LIPA: variants seen among roughly 807,000 people sequenced by gnomAD.
The protein encoded by LIPA is lipase A, lysosomal acid type.
In LIPA, 26 loss-of-function variants were observed where a neutral mutation model predicts 40.6. The ratio of observed to expected loss-of-function variants is 0.64; its 90% CI spans 0.47 to 0.89. LIPA has a LOEUF of 0.89. LIPA is among the 40% of genes least tolerant of loss of function. LIPA has a pLI of 0.00. For synonymous variants in LIPA, 188 were observed against 168.4 expected (o/e 1.12, Z -0.90); for missense variants, 455 against 479.6 (o/e 0.95, Z 0.48).
At chr10:89,403,806 A>C (rs1463357639) in intron 2 of LIPA, 1 of 685,860 alleles carries the variant, frequency 1.5e-6, no homozygotes, top group African/African-American at 1.8e-5. Flanking sequence ...AAACATTATA[A>C]TTCACTGTAA....
chr10:89,372,489 T>C (rs1424451240), intron 2 of LIPA, among the ~76,000 whole-genome samples: 1 of 152,264 alleles, frequency 6.6e-6, no homozygotes, highest in Non-Finnish European at 1.5e-5. Flanking sequence ...GTACTGTTTT[T>C]ATTAAAAGCA....
At chr10:89,388,113 C>A (rs1033912131) in intron 2 of LIPA, among the ~76,000 whole-genome samples, 2 of 149,366 alleles carry the variant, frequency 1.3e-5, no homozygotes, top group African/African-American at 4.9e-5. Context: ...GAAAAAAATT[C>A]TTTTTTTTTT....
At chr10:89,299,522 A>G (rs1046090513) in intron 1 of LIPA, among the ~76,000 whole-genome samples, 3 of 152,320 alleles carry the variant, frequency 2.0e-5, no homozygotes, top group African/African-American at 2.4e-5. Context: ...AATCAGATAC[A>G]GTGAAAAACG....
At chr10:89,246,030 G>T (rs1843020685) in intron 2 of LIPA, among the ~76,000 whole-genome samples, 1 of 152,048 alleles carries the variant, frequency 6.6e-6, no homozygotes, top group Non-Finnish European at 1.5e-5. Flanking sequence ...CATCATTCTA[G>T]CATGTTTTAT....
At chr10:89,385,817 T>C (rs1350908691) in intron 2 of LIPA, among the ~76,000 whole-genome samples, 5 of 152,188 alleles carry the variant, frequency 3.3e-5, no homozygotes, top group African/African-American at 1.2e-4. Flanking sequence ...TATTCACACC[T>C]GAGATCACAC....
intron 1 of LIPA, among the ~76,000 whole-genome samples, chr10:89,275,119 C>T (rs909003275): frequency 1.3e-5 from 2 of 152,118 alleles, no homozygotes; most frequent in African/African-American, 4.8e-5. Context: ...TGTTTTCAGT[C>T]AGGATGAGTC....
intron 1 of LIPA, among the ~76,000 whole-genome samples, chr10:89,310,738 G>C (rs1033888143): frequency 2.0e-5 from 3 of 152,152 alleles, no homozygotes; most frequent in African/African-American, 7.2e-5. Flanking sequence ...GAAGAGACCA[G>C]AGGCAGGATT....
intron 3 of LIPA, among the ~76,000 whole-genome samples, chr10:89,234,902 G>A (rs1842886142): frequency 6.6e-6 from 1 of 152,344 alleles, no homozygotes; most frequent in East Asian, 1.9e-4. Flanking sequence ...AACAGAACAG[G>A]GAATTGTGGT....
chr10:89,358,089 T>G (rs969133413), intron 2 of LIPA, among the ~76,000 whole-genome samples: 3 of 152,160 alleles, frequency 2.0e-5, no homozygotes, highest in Non-Finnish European at 4.4e-5. Flanking sequence ...TTTAAATACC[T>G]GTAACTGCCT....
intron 8 of LIPA, among the ~76,000 whole-genome samples, chr10:89,221,844 C>T (rs899728983): frequency 2.6e-5 from 4 of 152,150 alleles, no homozygotes; most frequent in African/African-American, 9.7e-5. Context: ...AATGCAGAGA[C>T]ATTCAATATC....
chr10:89,397,070 G>A (rs1844354568), intron 2 of LIPA, among the ~76,000 whole-genome samples: 1 of 152,018 alleles, frequency 6.6e-6, no homozygotes, highest in African/African-American at 2.4e-5. Flanking sequence ...CACTTTTCTT[G>A]ATATATATGA....
At chr10:89,390,558 A>G (rs1844238638) in intron 2 of LIPA, among the ~76,000 whole-genome samples, 2 of 151,894 alleles carry the variant, frequency 1.3e-5, no homozygotes, top group South Asian at 2.1e-4. Context: ...CTGAAATTTC[A>G]TTTTCTAAAT....
intron 1 of LIPA, among the ~76,000 whole-genome samples, chr10:89,328,780 A>C (rs998410099): frequency 1.3e-5 from 2 of 152,206 alleles, no homozygotes; most frequent in African/African-American, 4.8e-5. Flanking sequence ...GTAATGACCT[A>C]ATCTATTATC....
At chr10:89,306,526 A>G (rs746656345) in intron 1 of LIPA, 5 of 1,613,968 alleles carry the variant, frequency 3.1e-6, no homozygotes, top group African/African-American at 1.3e-5. Context: ...ACTGGCCACC[A>G]TCTCAGAACG....
intron 3 of LIPA, among the ~76,000 whole-genome samples, chr10:89,243,307 C>T (rs1259662166): frequency 1.3e-5 from 2 of 152,224 alleles, no homozygotes; most frequent in Non-Finnish European, 2.9e-5. Context: ...AGGAAAATCA[C>T]AATTCCTTTA....
chr10:89,383,763 G>T, intron 2 of LIPA: 1 of 1,614,188 alleles, frequency 6.2e-7, no homozygotes, highest in African/African-American at 1.3e-5. Context: ...GGGCCTTGGC[G>T]AAGTGTGGTG....
At position 89,278,668 on chromosome 10, in the gene LIPA, C is replaced by A. The variant is rs546156508; in HGVS notation, c.-1-31019G>T. On this transcript the variant is annotated intron_variant, in intron 1 of 5. Coordinates refer to the LIPA transcript ENST00000282673. Reference sequence around the variant, plus strand: ...TTACAAAGACAGGCTCCAAATAGTTCTTTATGCTTTGGAAAAGTAAGAAGT... The same window carrying A: ...TTACAAAGACAGGCTCCAAATAGTTATTTATGCTTTGGAAAAGTAAGAAGT... Among the ~76,000 whole-genome samples the A allele has an allele frequency of 2.6e-5, 4 of 152,148 alleles. 1 individual carries two copies. In the East Asian group the frequency reaches 7.7e-4, roughly 29 times the overall value.
intron 1 of LIPA, among the ~76,000 whole-genome samples, chr10:89,325,131 A>T (rs1441119176): frequency 6.6e-6 from 1 of 152,232 alleles, no homozygotes; most frequent in African/African-American, 2.4e-5. Context: ...ATCATTAATC[A>T]TTAGAAAAAT....
chr10:89,261,779 T>G (rs1843210811), intron 1 of LIPA, among the ~76,000 whole-genome samples: 2 of 152,214 alleles, frequency 1.3e-5, no homozygotes, highest in South Asian at 4.1e-4. Flanking sequence ...TAACACTAGT[T>G]TATATTGAAT....
Sources: gnomAD v4.1 joint callset for allele counts (sites outside exome capture counted in the v4.1 genomes callset) on GRCh38, gnomAD v4.1.1 for gene constraint, MANE v1.5 for transcripts, NCBI Gene and HGNC (gene_info 2026-07-23, HGNC 2026-07-21) for gene names.